The following WDFY1 variants were observed in gnomAD, a reference collection of about 807,000 sequenced individuals.
The protein encoded by WDFY1 is WD repeat and FYVE domain containing 1, also known as WD repeat and FYVE domain-containing protein 1.
A neutral mutation model predicts 56.4 loss-of-function variants in WDFY1; 32 were observed. The observed-to-expected ratio is 0.57, with a 90% CI of 0.43 to 0.76. The LOEUF is 0.76. WDFY1 is among the 30% of genes least tolerant of loss of function. The pLI, the probability that WDFY1 is intolerant of heterozygous loss-of-function variation, is 0.00. For missense variants in WDFY1, 480 were observed against 545.7 expected, an observed-to-expected ratio of 0.88 and a Z score of 1.20; for synonymous variants, 192 against 197.3, an observed-to-expected ratio of 0.97 and a Z score of 0.23.
intron 1 of WDFY1, among the ~76,000 whole-genome samples, chr2:223,944,725 G>A (rs1182009964): frequency 1.1e-4 from 17 of 150,362 alleles, no homozygotes; most frequent in Non-Finnish European, 1.9e-4. Context: ...GGACTGGAGG[G>A]GCGCGTTGGG....
chr2:223,882,591 T>C (rs918683728), intron 9 of WDFY1, among the ~76,000 whole-genome samples: 3 of 152,260 alleles, frequency 2.0e-5, no homozygotes, highest in Non-Finnish European at 4.4e-5. Context: ...AATGTTGCTT[T>C]TCATTCATTC....
Position 223,912,470 on chromosome 2 carries a change from T to C in WDFY1, c.206-144A>G, listed in dbSNP as rs564024858. ...AAACGTTTTATACAAATTACGTAAA[T>C]TGAAAATGTTATTAAAGTTCTCTCT... On this transcript the variant is annotated intron_variant, in intron 2 of 11. Coordinates refer to ENST00000233055, the MANE Select transcript of WDFY1 (RefSeq NM_020830.5). The C allele has an allele frequency of 1.3e-5, 7 of 544,086 alleles. No individual in the cohort carries two copies. In the East Asian group the frequency reaches 2.0e-4, roughly 16 times the overall value. The allele number at this position is 544,086 out of a possible 1,614,324, so 33.7% of individuals were successfully genotyped here.
intron 11 of WDFY1, among the ~76,000 whole-genome samples, chr2:223,879,113 G>A (rs1693021875): frequency 6.6e-6 from 1 of 152,200 alleles, no homozygotes; most frequent in South Asian, 2.1e-4. Flanking sequence ...CCTGAGCCCA[G>A]AAGGCAGAGG....
chr2:223,925,548 CGTGGCT>C (rs1212216524), intron 1 of WDFY1, among the ~76,000 whole-genome samples: 2 of 152,192 alleles, frequency 1.3e-5, no homozygotes, highest in Admixed American at 1.3e-4. Flanking sequence ...TGAAGGTTGG[CGTGGCT>C]GTGGCAACTT....
chr2:223,917,381 T>A (rs962602781), intron 2 of WDFY1, among the ~76,000 whole-genome samples: 9 of 150,482 alleles, frequency 6.0e-5, no homozygotes, highest in Non-Finnish European at 1.3e-4. Context: ...AAAGAAAAAC[T>A]GAGGAGAACA....
In WDFY1 at chr2:223,888,586, A is replaced by AT. The variant is rs71058954; in HGVS notation, c.832-3838dup. ...CAGATAAGCCATTTTTAAATTCTCA[A>AT]TTTTTTTTTTTTTTTTTTGAGACAG... On this transcript the variant is annotated intron_variant, in intron 8 of 11. Transcript: ENST00000233055. Among the ~76,000 whole-genome samples the AT allele has an allele frequency of 3.5e-3, 461 of 131,380 alleles. 20 individuals are homozygous for AT. Among genetic ancestry groups the AT allele is most frequent in the African/African-American group, 0.011 (400 of 34,938 alleles). 86.2% of individuals were successfully genotyped at this position (131,380 alleles called of 152,430 possible). A position where few individuals can be genotyped will look rare whatever the true frequency, so the allele number is the denominator to read the frequency against.
intron 1 of WDFY1, among the ~76,000 whole-genome samples, chr2:223,940,878 A>G (rs1233253244): frequency 6.6e-6 from 1 of 151,940 alleles, no homozygotes; most frequent in Admixed American, 6.5e-5. Flanking sequence ...GCTGGAGGGC[A>G]ATGGCATGAT....
intron 1 of WDFY1, among the ~76,000 whole-genome samples, chr2:223,932,360 G>C (rs2106101328): frequency 6.6e-6 from 1 of 151,924 alleles, no homozygotes; most frequent in East Asian, 2.0e-4. Context: ...CTGACATTGT[G>C]ATTCGCCCAC....
chr2:223,884,886 G>C, intron 8 of WDFY1, 137 bp from the exon 9 acceptor site: 1 of 688,870 alleles, frequency 1.5e-6, no homozygotes, highest in Non-Finnish European at 2.4e-6. Flanking sequence ...GGTCTCCCAG[G>C]CTGGAGTGCA....
At chr2:223,936,740 G>A (rs1384685582) in intron 1 of WDFY1, among the ~76,000 whole-genome samples, 1 of 152,196 alleles carries the variant, frequency 6.6e-6, no homozygotes, top group Non-Finnish European at 1.5e-5. Context: ...TATAAAATAT[G>A]TGGTTTATGT....
intron 10 of WDFY1, 101 bp downstream of exon 10, chr2:223,881,841 T>C (rs1235971413): frequency 1.9e-5 from 28 of 1,463,984 alleles, no homozygotes; most frequent in Non-Finnish European, 2.3e-5. Flanking sequence ...AACAAACACA[T>C]GGCTAAACAT....
At chr2:223,928,446 A>T (rs1694020461) in intron 1 of WDFY1, among the ~76,000 whole-genome samples, 1 of 152,172 alleles carries the variant, frequency 6.6e-6, no homozygotes, top group African/African-American at 2.4e-5. Flanking sequence ...TCCTTGTGAG[A>T]ACCCCAGAGA....
rs1692996367 is a variant in WDFY1 at position 223,877,853 on chromosome 2, G to GT, written c.*817dup. 6.6e-6 allele frequency: 1 copy of GT among 152,584 alleles called. No homozygotes were observed. The highest frequency in any genetic ancestry group is 6.5e-5 in the Admixed American group (1 of 15,268). The allele number at this position is 152,584 out of a possible 1,614,324, so 9.5% of individuals were successfully genotyped here. A position where few individuals can be genotyped will look rare whatever the true frequency, so the allele number is the denominator to read the frequency against. On this transcript the variant is annotated 3_prime_UTR_variant, in exon 12 of 12. Coordinates refer to ENST00000233055, the MANE Select transcript of WDFY1 (RefSeq NM_020830.5). ...CATTTCGCATCACAGTGGTGGCTGG[G>GT]TTTTCCATCAGTCATTACTAATGGC...
intron 1 of WDFY1, among the ~76,000 whole-genome samples, chr2:223,930,984 G>C (rs1694063205): frequency 6.6e-6 from 1 of 152,222 alleles, no homozygotes; most frequent in African/African-American, 2.4e-5. Context: ...ACAAATCCCT[G>C]CTGTTTTAAG....
intron 8 of WDFY1, among the ~76,000 whole-genome samples, chr2:223,893,724 T>C (rs1363311892): frequency 6.6e-6 from 1 of 152,130 alleles, no homozygotes; most frequent in East Asian, 1.9e-4. Context: ...AGAAATTAGG[T>C]CACCTGAAAA....
At position 223,885,965 on chromosome 2, in the gene WDFY1, T is replaced by A. The variant is rs1379634683; in HGVS notation, c.832-1216A>T. Among the ~76,000 whole-genome samples, 3 of 152,224 alleles carry A rather than the reference T, an allele frequency of 2.0e-5. No homozygotes were observed. The South Asian group carries it at 6.2e-4, about 32-fold the overall frequency. On this transcript the variant is annotated intron_variant, in intron 8 of 11. Transcript: ENST00000233055. ...TACTTTTTGGTATTATTCATCTTGATCTAGCCACAGCCTGTCACACAGTAG... is the reference window on the plus strand; with the variant it reads ...TACTTTTTGGTATTATTCATCTTGAACTAGCCACAGCCTGTCACACAGTAG...
intron 3 of WDFY1, among the ~76,000 whole-genome samples, chr2:223,910,392 T>C (rs937590594): frequency 3.3e-5 from 5 of 150,962 alleles, no homozygotes; most frequent in African/African-American, 1.2e-4. Context: ...TTAGATATGG[T>C]ATCTAAAGCT....
intron 5 of WDFY1, 76 bp from the exon 6 acceptor site, chr2:223,899,146 C>A: frequency 8.3e-7 from 1 of 1,203,992 alleles, no homozygotes; most frequent in South Asian, 1.3e-5. Context: ...CAGCATTAGT[C>A]AAAGTTAGTT....
chr2:223,875,462 G>A lies in WDFY1; in HGVS notation c.*3209C>T, dbSNP rs1692951875. 6.6e-6 allele frequency: 1 copy of A among 151,488 alleles called. No homozygotes were observed. Among genetic ancestry groups the A allele is most frequent in the South Asian group, 2.1e-4 (1 of 4,814 alleles). The allele number at this position is 151,488 out of a possible 1,614,324, so 9.4% of individuals were successfully genotyped here. On this transcript the variant is annotated 3_prime_UTR_variant, in exon 12 of 12. Transcript: ENST00000233055. ...TTCTAGCATCTCTGGGATACACAGG[G>A]CACCATATCTTATAGAAACATAGCT...
Sources: allele counts gnomAD v4.1 joint callset (sites outside exome capture counted in the v4.1 genomes callset), GRCh38; gene constraint gnomAD v4.1.1; transcripts MANE v1.5; gene names NCBI Gene and HGNC (gene_info 2026-07-23, HGNC 2026-07-21).